Variants in HTT observed in about 807,000 individuals in gnomAD.
HTT encodes huntington disease protein.
In HTT, 104 loss-of-function variants were observed where a neutral mutation model predicts 362.3. The observed-to-expected ratio is 0.29, with a 90% CI of 0.24 to 0.34. HTT has a LOEUF of 0.34. Ranked by LOEUF, HTT falls within the 10% of genes least tolerant of loss-of-function variation. HTT has a pLI of 1.00. For synonymous variants in HTT, 1,577 were observed against 1,548.7 expected (o/e 1.02, Z -0.43); for missense variants, 3,301 against 3,928.6 (o/e 0.84, Z 4.27).
intron 2 of HTT, among the ~76,000 whole-genome samples, chr4:3,088,057 G>A (rs1186650500): frequency 6.6e-6 from 1 of 151,268 alleles, no homozygotes; most frequent in African/African-American, 2.4e-5. Flanking sequence ...GGCTGATCTC[G>A]AACTCCCAAC....
At chr4:3,182,962 C>G (rs1032690730) in intron 37 of HTT, among the ~76,000 whole-genome samples, 1 of 152,148 alleles carries the variant, frequency 6.6e-6, no homozygotes, top group Non-Finnish European at 1.5e-5. Context: ...ACTGCAACAA[C>G]CTCTGCCTCC....
At position 3,134,521 on chromosome 4, in the gene HTT, C is replaced by G. The variant is rs765627376; in HGVS notation, c.2614C>G (p.Leu872Val). 4 of 1,613,028 alleles carry G rather than the reference C, an allele frequency of 2.5e-6. No individual in the cohort carries two copies. Among genetic ancestry groups the G allele is most frequent in the Non-Finnish European group, 3.4e-6 (4 of 1,179,700 alleles). ...WLVRTELLET[L>V]AEIDFRLVSF... ...GGTGAGGACAGAGCTTCTGGAAACC[C>G]TTGCAGAGATTGACTTCAGGTAAGT... The change falls in exon 19 of 67, where the codon CTT (leucine) becomes GTT (valine). Residue 872 changes from leucine to valine, a missense_variant. Physicochemically the swap from Leu to Val is conservative, Grantham distance 32. Around this residue, in one of 4 missense-constraint regions of HTT, gnomAD observed 2,316 missense variants for 2,658.5 expected, o/e 0.87. Transcript: ENST00000355072.
At chr4:3,213,508 A>G (rs1435979357) in intron 49 of HTT, among the ~76,000 whole-genome samples, 6 of 152,246 alleles carry the variant, frequency 3.9e-5, no homozygotes, top group Non-Finnish European at 5.9e-5. Context: ...AGCAAGGCTT[A>G]GAGAATTTCA....
At position 3,166,423 on chromosome 4, in the gene HTT, G is replaced by A. The variant is rs144790223; in HGVS notation, c.3865-5897G>A. Reference sequence around the variant, plus strand: ...TGTTCATTATCGGAGCTTGAATGCCGTACCGGGAGAACCACTGCTCTCTTC... The same window carrying A: ...TGTTCATTATCGGAGCTTGAATGCCATACCGGGAGAACCACTGCTCTCTTC... On this transcript the variant is annotated intron_variant, in intron 29 of 66. Transcript: ENST00000355072. 4.6e-5 allele frequency among the ~76,000 whole-genome samples: 7 copies of A among 152,332 alleles called. 1 individual carries two copies. Among genetic ancestry groups the A allele is most frequent in the East Asian group, 1.9e-4 (1 of 5,186 alleles).
At chr4:3,223,630 G>A (rs142443996) in intron 55 of HTT, 70 bp downstream of exon 55, 47 of 1,356,456 alleles carry the variant, frequency 3.5e-5, no homozygotes, top group East Asian at 3.0e-4. Context: ...CCGCTGAAGC[G>A]TCCAGCAGCT....
chr4:3,100,899 T>C (rs1714120377), intron 3 of HTT, among the ~76,000 whole-genome samples: 1 of 152,230 alleles, frequency 6.6e-6, no homozygotes, highest in African/African-American at 2.4e-5. Context: ...AGCTAATTTT[T>C]AAAATTATTT....
At position 3,131,305 on chromosome 4, in the gene HTT, A is replaced by T. The variant is rs759776295; in HGVS notation, c.2006A>T (p.Asp669Val). The change falls in exon 15 of 67, where the codon GAC becomes GTC. Residue 669 changes from aspartate to valine, a missense_variant. Asp to Val is a radical substitution (Grantham distance 152). This residue lies in a region of HTT where 2,316 missense variants were observed against 2,658.5 expected (regional missense o/e 0.87). Transcript: ENST00000355072. ...TTCTAGCCTTGCCGCATCAAAGGTG[A>T]CATTGGACAGTCCACTGATGATGAC... The part of the protein sequence containing the change: ...QENKPCRIKG[D>V]IGQSTDDDSA... 4 of 1,613,688 alleles carry T rather than the reference A, an allele frequency of 2.5e-6. No individual in the cohort carries two copies. Among genetic ancestry groups the T allele is most frequent in the Non-Finnish European group, 3.4e-6 (4 of 1,179,704 alleles).
chr4:3,078,412 C>G (rs901433829), intron 1 of HTT, among the ~76,000 whole-genome samples: 1 of 152,090 alleles, frequency 6.6e-6, no homozygotes, highest in African/African-American at 2.4e-5. Context: ...AACTTCAAAG[C>G]AGGGAAGGGG....
intron 8 of HTT, among the ~76,000 whole-genome samples, chr4:3,118,644 T>A (rs1578513088): frequency 6.6e-6 from 1 of 151,696 alleles, no homozygotes; most frequent in South Asian, 2.1e-4. Context: ...GTTACGGAGG[T>A]TTCTAACATT....
At chr4:3,125,724 A>T (rs937281996) in intron 11 of HTT, 95 bp downstream of exon 11, 3 of 879,162 alleles carry the variant, frequency 3.4e-6, no homozygotes, top group Non-Finnish European at 3.8e-6. Flanking sequence ...GGTGGACAGC[A>T]CGACTGGGGG....
intron 8 of HTT, among the ~76,000 whole-genome samples, chr4:3,120,486 G>A (rs913120166): frequency 1.6e-4 from 25 of 152,330 alleles, no homozygotes; most frequent in African/African-American, 5.5e-4. Context: ...GCTGCAGAGC[G>A]GTATTGGTCC....
intron 55 of HTT, 71 bp from the exon 56 acceptor site, chr4:3,223,921 A>G: frequency 6.5e-7 from 1 of 1,534,320 alleles, no homozygotes; most frequent in Admixed American, 1.7e-5. Context: ...GCGGAGGGAA[A>G]GTTCTGGTGT....
At position 3,240,855 on chromosome 4, in the gene HTT, G is replaced by A. The variant is rs1721772719; in HGVS notation, c.*796G>A. ...CACAAGGTGACTGGGATGTAGAGAG[G>A]CGTTAGTGGGCAGGTGGCCACAGCA... On this transcript the variant is annotated 3_prime_UTR_variant, in exon 67 of 67. Transcript: ENST00000355072. 3 of 152,500 alleles carry A rather than the reference G, an allele frequency of 2.0e-5. No homozygotes were observed. The South Asian group carries it at 6.2e-4, about 32-fold the overall frequency. The allele number at this position is 152,500 out of a possible 1,614,324, so 9.4% of individuals were successfully genotyped here.
At chr4:3,193,538 A>G (rs779948472) in intron 40 of HTT, among the ~76,000 whole-genome samples, 9 of 152,198 alleles carry the variant, frequency 5.9e-5, no homozygotes, top group Admixed American at 3.9e-4. Context: ...ATCTCTGTGC[A>G]GCTCAAATGT....
At chr4:3,160,497 G>A (rs1403842365) in intron 29 of HTT, 105 bp downstream of exon 29, 3 of 778,974 alleles carry the variant, frequency 3.9e-6, no homozygotes, top group Admixed American at 4.1e-5. Context: ...GGGTGCCTCC[G>A]GGAGACTCCT....
At chr4:3,235,244 A>G in intron 61 of HTT, 40 bp from the exon 62 acceptor site, 3 of 1,366,094 alleles carry the variant, frequency 2.2e-6, no homozygotes, top group Non-Finnish European at 3.1e-6. Context: ...TCCACGTTGG[A>G]TGGGGGTGGC....
intron 37 of HTT, among the ~76,000 whole-genome samples, chr4:3,183,139 G>C (rs2110243373): frequency 6.6e-6 from 1 of 152,336 alleles, no homozygotes; most frequent in African/African-American, 2.4e-5. Flanking sequence ...ACCTTGGCCT[G>C]CCAAAGTGCT....
In HTT at chr4:3,130,830, A is replaced by G. The variant is rs142653781; in HGVS notation, c.1986+407A>G. Among the ~76,000 whole-genome samples, 226 of 152,340 alleles carry G rather than the reference A, an allele frequency of 1.5e-3. 1 individual carries two copies. The highest frequency in any genetic ancestry group is 5.2e-3 in the African/African-American group (217 of 41,580). On this transcript the variant is annotated intron_variant, in intron 14 of 66. Coordinates refer to ENST00000355072, the MANE Select transcript of HTT (RefSeq NM_001388492.1). ...TTTTAATTCCTCAAGGACAAGGAAT[A>G]GCGTTTCACAGTTCGTCCCATCAAT... is the stretch of plus-strand genomic sequence containing the variant.
chr4:3,187,699 T>G lies in HTT; in HGVS notation c.5038T>G (p.Leu1680Val), dbSNP rs1156916309. The G allele has an allele frequency of 1.2e-6, 2 of 1,614,210 alleles. No homozygotes were observed. Among genetic ancestry groups the G allele is most frequent in the Non-Finnish European group, 1.7e-6 (2 of 1,180,016 alleles). ...QLWISGILAI[L>V]RVLISQSTED... is the part of the protein sequence containing the mutation. ...GTGGATATCGGGAATTCTGGCCATT[T>G]TGAGGGTTCTGATTTCCCAGTCAAC... The change falls in exon 39 of 67, where the codon TTG (leucine) becomes GTG (valine). Residue 1680 changes from leucine (L) to valine (V), a missense_variant. By Grantham distance (32) the Leu-to-Val change is conservative (BLOSUM62 1). Transcript: ENST00000355072.
Sources: allele counts gnomAD v4.1 joint callset (sites outside exome capture counted in the v4.1 genomes callset), GRCh38; gene constraint gnomAD v4.1.1; regional missense constraint gnomAD v4.1.1; transcripts MANE v1.5; gene names NCBI Gene and HGNC (gene_info 2026-07-23, HGNC 2026-07-21).